POU2F1: variants seen among roughly 807,000 people sequenced by gnomAD.
POU2F1 encodes POU domain, class 2, transcription factor 1.
POU2F1 carries 16 observed loss-of-function variants against 84.9 expected under a neutral mutation model. The ratio of observed to expected loss-of-function variants is 0.19; its 90% confidence interval spans 0.13 to 0.29. POU2F1 has a LOEUF of 0.29. Among genes scored for constraint, POU2F1 ranks in the 10% least tolerant of loss-of-function variants. POU2F1 has a pLI of 1.00. For missense variants in POU2F1, 738 were observed against 942.6 expected (o/e 0.78, Z 2.84); for synonymous variants, 368 against 368.3 (o/e 1.00, Z 0.01).
chr1:167,223,474 C>A (rs1454474493), intron 1 of POU2F1, among the ~76,000 whole-genome samples: 1 of 151,950 alleles, frequency 6.6e-6, no homozygotes, highest in Non-Finnish European at 1.5e-5. Flanking sequence ...TTGCCTGTCA[C>A]TGGTGGATGT....
rs1650603809 is a variant in POU2F1, at chr1:167,420,791, T to A, written c.*4981T>A. The A allele has an allele frequency of 2.0e-5, 3 of 152,206 alleles. No individual in the cohort carries two copies. The highest frequency in any genetic ancestry group is 4.1e-4 in the South Asian group (2 of 4,830). The allele number at this position is 152,206 out of a possible 1,614,324, so 9.4% of individuals were successfully genotyped here. Reference sequence around the variant, plus strand: ...CGCTGACAGGTGGCTCTGGCCTGGCTCTTGGGGGGCCTTCTGAAGACCAGT... The same window carrying A: ...CGCTGACAGGTGGCTCTGGCCTGGCACTTGGGGGGCCTTCTGAAGACCAGT... On this transcript the variant is annotated 3_prime_UTR_variant, in exon 16 of 16. Transcript: ENST00000367866.
intron 1 of POU2F1, among the ~76,000 whole-genome samples, chr1:167,236,144 C>G (rs1041263442): frequency 1.3e-5 from 2 of 151,968 alleles, no homozygotes; most frequent in African/African-American, 2.4e-5. Context: ...TGCTCTGTCT[C>G]CCAGGCTGGA....
intron 1 of POU2F1, among the ~76,000 whole-genome samples, chr1:167,292,125 TTTATAGA>T (rs1223985963): frequency 6.6e-6 from 1 of 152,116 alleles, no homozygotes; most frequent in Non-Finnish European, 1.5e-5. Flanking sequence ...GTTGAGGCTT[TTTATAGA>T]TAAAGTTGAT....
chr1:167,370,294 A>G (rs2101842252), intron 4 of POU2F1, 80 bp downstream of exon 4: 1 of 1,187,930 alleles, frequency 8.4e-7, no homozygotes, highest in Non-Finnish European at 1.2e-6. Flanking sequence ...TATATTTTAT[A>G]ATAGGAAATG....
intron 1 of POU2F1, chr1:167,329,305 A>G: frequency 6.5e-7 from 1 of 1,548,912 alleles, no homozygotes; most frequent in Non-Finnish European, 8.7e-7. Context: ...ACTATGTTCT[A>G]GGTGGGTACC....
intron 2 of POU2F1, among the ~76,000 whole-genome samples, chr1:167,360,601 G>T (rs1659294339): frequency 6.6e-6 from 1 of 152,154 alleles, no homozygotes; most frequent in South Asian, 2.1e-4. Context: ...TAGCCTTGTA[G>T]TATAGCTTGA....
chr1:167,271,360 A>G (rs1024398429), intron 1 of POU2F1, among the ~76,000 whole-genome samples: 2 of 152,212 alleles, frequency 1.3e-5, no homozygotes, highest in Non-Finnish European at 2.9e-5. Context: ...TGTATTTGTG[A>G]CTAAAACTTG....
intron 12 of POU2F1, among the ~76,000 whole-genome samples, chr1:167,400,094 C>A (rs112147432): frequency 0.021 from 3,186 of 150,858 alleles, 47 homozygotes; most frequent in Non-Finnish European, 0.035. Flanking sequence ...AGCGATTCTC[C>A]TGCCTCAGCC....
chr1:167,277,312 C>G (rs1174156627), intron 1 of POU2F1, among the ~76,000 whole-genome samples: 1 of 152,006 alleles, frequency 6.6e-6, no homozygotes, highest in Non-Finnish European at 1.5e-5. Flanking sequence ...TCATAGCTCA[C>G]TGCAACCTCA....
chr1:167,361,329 T>C lies in POU2F1; in HGVS notation c.128-4138T>C, dbSNP rs1286232808. 4.6e-5 allele frequency among the ~76,000 whole-genome samples: 7 copies of C among 152,212 alleles called. No homozygotes were observed. The South Asian group carries it at 6.2e-4, about 13-fold the overall frequency. ...ATGAGTTTATCATAGATGGCTCTTA[T>C]TATTTTGAGGTATGTTCCTTCAATG... On this transcript the variant is annotated intron_variant, in intron 2 of 15. Transcript: ENST00000367866.
intron 1 of POU2F1, among the ~76,000 whole-genome samples, chr1:167,282,918 G>T (rs1653258593): frequency 6.6e-6 from 1 of 152,176 alleles, no homozygotes; most frequent in Non-Finnish European, 1.5e-5. Context: ...CTCTGTCTCT[G>T]TTTTCTCATA....
At chr1:167,360,253 T>G (rs1357362192) in intron 2 of POU2F1, among the ~76,000 whole-genome samples, 1 of 152,220 alleles carries the variant, frequency 6.6e-6, no homozygotes, top group Non-Finnish European at 1.5e-5. Flanking sequence ...TTTTGAGTAG[T>G]TAGTCATAAA....
intron 1 of POU2F1, among the ~76,000 whole-genome samples, chr1:167,289,781 G>A (rs941677447): frequency 1.3e-5 from 2 of 152,082 alleles, no homozygotes; most frequent in African/African-American, 4.8e-5. Flanking sequence ...ATTTGAAAAC[G>A]TTTGGTCTGA....
chr1:167,405,762 G>A (rs1649529743), intron 13 of POU2F1, among the ~76,000 whole-genome samples: 3 of 152,156 alleles, frequency 2.0e-5, no homozygotes, highest in Non-Finnish European at 2.9e-5. Context: ...ACTGCCATCT[G>A]CAGAACACTT....
chr1:167,375,673 A>T (rs1332489885), intron 6 of POU2F1, among the ~76,000 whole-genome samples: 4 of 152,232 alleles, frequency 2.6e-5, no homozygotes, highest in Admixed American at 2.6e-4. Context: ...TAAGAGAAAG[A>T]TCAATCAAAT....
chr1:167,330,602 A>G lies in POU2F1; in HGVS notation c.62-1868A>G, dbSNP rs550209387. Among the ~76,000 whole-genome samples, 22 of 152,224 alleles carry G rather than the reference A, an allele frequency of 1.4e-4. No individual in the cohort carries two copies. The South Asian group carries it at 4.6e-3, about 32-fold the overall frequency. On this transcript the variant is annotated intron_variant, in intron 1 of 15. Transcript: ENST00000367866. ...ATTTAAACAGTCTTCCCATTGTGCA[A>G]TTTTATTTTTGTGTGTATGTGAAGT...
chr1:167,316,151 T>G (rs1655878272), intron 1 of POU2F1, among the ~76,000 whole-genome samples: 1 of 152,184 alleles, frequency 6.6e-6, no homozygotes, highest in Non-Finnish European at 1.5e-5. Flanking sequence ...GTATCTTGAT[T>G]GCAATGATAG....
chr1:167,349,120 G>T (rs181789447), intron 2 of POU2F1, among the ~76,000 whole-genome samples: 1 of 151,890 alleles, frequency 6.6e-6, no homozygotes, highest in African/African-American at 2.4e-5. Flanking sequence ...ACGTGGCCAC[G>T]GTGTCTTCTA....
chr1:167,382,216 G>T (rs988077436), intron 7 of POU2F1, among the ~76,000 whole-genome samples: 9 of 152,202 alleles, frequency 5.9e-5, no homozygotes, highest in African/African-American at 2.2e-4. Context: ...TCAGGTAGCG[G>T]ATCATAGTAA....
Sources: allele counts gnomAD v4.1 joint callset (sites outside exome capture counted in the v4.1 genomes callset), GRCh38; gene constraint gnomAD v4.1.1; transcripts MANE v1.5; gene names NCBI Gene and HGNC (gene_info 2026-07-23, HGNC 2026-07-21).